Variants in TMPRSS11B observed in about 807,000 individuals in gnomAD.
TMPRSS11B encodes transmembrane serine protease 11B, also known as transmembrane protease serine 11B.
In TMPRSS11B, 53 loss-of-function variants were observed where a neutral mutation model predicts 44.7. The ratio of observed to expected loss-of-function variants is 1.19; its 90% CI spans 0.95 to 1.49. The LOEUF is 1.49. TMPRSS11B is among the 40% of genes most tolerant of loss of function. TMPRSS11B has a pLI of 0.00. For missense variants in TMPRSS11B, 526 were observed against 494.8 expected, an observed-to-expected ratio of 1.06 and a Z score of -0.60; for synonymous variants, 140 against 159.2, an observed-to-expected ratio of 0.88 and a Z score of 0.91.
intron 2 of TMPRSS11B, among the ~76,000 whole-genome samples, chr4:68,240,833 A>C (rs2109963923): frequency 6.6e-6 from 1 of 152,230 alleles, no homozygotes; most frequent in Non-Finnish European, 1.5e-5. Context: ...AGTCAGCCAA[A>C]ATTTGTCTAC....
At chr4:68,235,482 C>T (rs1184051575) in intron 4 of TMPRSS11B, among the ~76,000 whole-genome samples, 1 of 152,150 alleles carries the variant, frequency 6.6e-6, no homozygotes, top group Non-Finnish European at 1.5e-5. Context: ...CTCCCTGCAT[C>T]CCTCCCTACC....
At chr4:68,243,955 A>G (rs1054974176) in intron 1 of TMPRSS11B, among the ~76,000 whole-genome samples, 2 of 152,262 alleles carry the variant, frequency 1.3e-5, no homozygotes, top group South Asian at 2.1e-4. Context: ...TCCTCCTCAC[A>G]TGGCTTTCTC....
intron 1 of TMPRSS11B, among the ~76,000 whole-genome samples, 158 bp downstream of exon 1, chr4:68,245,393 A>C (rs1314715867): frequency 2.0e-5 from 3 of 152,164 alleles, no homozygotes; most frequent in Admixed American, 1.3e-4. Flanking sequence ...CAGAGACTTC[A>C]AAGGGTCTGT....
chr4:68,233,233 A>G (rs944792231), intron 5 of TMPRSS11B, among the ~76,000 whole-genome samples: 1 of 151,918 alleles, frequency 6.6e-6, no homozygotes, highest in African/African-American at 2.4e-5. Context: ...GAAAAGTTCT[A>G]CCTCAGGTTC....
chr4:68,229,849 G>A (rs1719460358), intron 7 of TMPRSS11B, among the ~76,000 whole-genome samples: 1 of 151,980 alleles, frequency 6.6e-6, no homozygotes, highest in South Asian at 2.1e-4. Context: ...AGTGGATGGG[G>A]TCCAGGATTA....
In TMPRSS11B at chr4:68,234,571, G is replaced by A. The variant is rs1719609837; in HGVS notation, c.361C>T (p.Pro121Ser). Residue 121 changes from proline (P) to serine (S), a missense_variant, in exon 5 of 10, where the codon CCA (proline) becomes TCA (serine). Transcript: ENST00000332644. ...GTCCTCATGCTAACTCCTTCTGCTG[G>A]AGGAAACTTGAATTTCAGCTGTAAC... ...VQLQLKFKFP[P>S]AEGVSMRTKI... 6.2e-7 allele frequency: 1 copy of A among 1,613,896 alleles called. No homozygotes were observed. Among genetic ancestry groups the A allele is most frequent in the South Asian group, 1.1e-5 (1 of 91,074 alleles).
At chr4:68,231,855 C>T (rs1369168901) in intron 6 of TMPRSS11B, 1 of 155,120 alleles carries the variant, frequency 6.4e-6, no homozygotes, top group Non-Finnish European at 1.4e-5. Flanking sequence ...CTCCTATAGG[C>T]CCAGCTACTT....
chr4:68,233,567 T>C (rs887284176), intron 5 of TMPRSS11B, among the ~76,000 whole-genome samples: 1 of 152,130 alleles, frequency 6.6e-6, no homozygotes, highest in South Asian at 2.1e-4. Flanking sequence ...CTGTGTCCCA[T>C]AGAGTATACT....
At chr4:68,229,995 A>C (rs1719464904) in intron 7 of TMPRSS11B, among the ~76,000 whole-genome samples, 1 of 152,148 alleles carries the variant, frequency 6.6e-6, no homozygotes. Flanking sequence ...TCCCACTTAT[A>C]AGCAAGAAGA....
chr4:68,244,177 A>C (rs1719939492), intron 1 of TMPRSS11B, among the ~76,000 whole-genome samples: 1 of 152,198 alleles, frequency 6.6e-6, no homozygotes, highest in African/African-American at 2.4e-5. Flanking sequence ...TTTTGGCAAC[A>C]CTTTTTTCTA....
chr4:68,236,276 T>TA lies in TMPRSS11B; in HGVS notation c.125-11dup. On this transcript the variant is annotated splice_polypyrimidine_tract_variant and intron_variant, in intron 2 of 9. Coordinates refer to ENST00000332644, the MANE Select transcript of TMPRSS11B (RefSeq NM_182502.3). ...TAATAGTAAGTCTTCTCTGCAAAAT[T>TA]AAGAAAAAAAAACCTCAAAGAATTT... 6.5e-7 allele frequency: 1 copy of TA among 1,531,044 alleles called. No individual in the cohort carries two copies. Among genetic ancestry groups the TA allele is most frequent in the East Asian group, 2.3e-5 (1 of 43,688 alleles). 94.8% of individuals were successfully genotyped at this position (1,531,044 alleles called of 1,614,324 possible).
Position 68,234,641 on chromosome 4 carries a change from T to G in TMPRSS11B, c.309-18A>C. ...CATTAGGCCTAGAAACAACAGAAAT[T>G]TTCTAATGTACTGTTTCTTGATCTT... On this transcript the variant is annotated intron_variant, in intron 4 of 9. Coordinates refer to ENST00000332644, the MANE Select transcript of TMPRSS11B (RefSeq NM_182502.3). 2 of 1,611,742 alleles carry G rather than the reference T, an allele frequency of 1.2e-6. No individual in the cohort carries two copies. The highest frequency in any genetic ancestry group is 1.7e-6 in the Non-Finnish European group (2 of 1,179,400).
intron 7 of TMPRSS11B, among the ~76,000 whole-genome samples, chr4:68,229,895 CT>C (rs57783156): frequency 6.6e-6 from 1 of 151,720 alleles, no homozygotes; most frequent in Non-Finnish European, 1.5e-5. Flanking sequence ...TCAATAGCTA[CT>C]TTTTTTACCC....
At chr4:68,242,163 A>T (rs1719842035) in intron 1 of TMPRSS11B, among the ~76,000 whole-genome samples, 1 of 127,064 alleles carries the variant, frequency 7.9e-6, no homozygotes, top group East Asian at 2.1e-4. Flanking sequence ...ATGCACAGGG[A>T]CATATAAAGA....
chr4:68,245,472 T>C, intron 1 of TMPRSS11B, 79 bp downstream of exon 1: 1 of 1,468,572 alleles, frequency 6.8e-7, no homozygotes, highest in Non-Finnish European at 9.5e-7. Flanking sequence ...AAACAGTCAA[T>C]TAACAAAAAA....
intron 2 of TMPRSS11B, among the ~76,000 whole-genome samples, chr4:68,238,263 C>T (rs1013337970): frequency 7.9e-5 from 12 of 151,900 alleles, no homozygotes; most frequent in African/African-American, 2.9e-4. Flanking sequence ...TATATTTTTC[C>T]TTATGGTAAC....
rs1220163399 is a variant in TMPRSS11B, at chr4:68,241,770, A to C, written c.43T>G (p.Trp15Gly). The C allele has an allele frequency of 5.6e-6, 9 of 1,613,334 alleles. No individual in the cohort carries two copies. The South Asian group carries it at 9.9e-5, about 18-fold the overall frequency. Reference protein sequence around the residue: ...GISSQRSWPLWTTIFIFLGVA... With the variant: ...GISSQRSWPLGTTIFIFLGVA... The stretch of plus-strand genomic sequence containing the variant: ...CCAAGAAAAATAAAGATCGTAGTCC[A>C]TAGTGGCCAAGATCTTTGGGAAGAT... The change falls in exon 2 of 10, where the codon TGG becomes GGG. Residue 15 changes from tryptophan to glycine, a missense_variant. By Grantham distance (184) the Trp-to-Gly change is radical. Transcript: ENST00000332644.
rs953191657 is a variant in TMPRSS11B, at chr4:68,229,391, A to C, written c.812T>G (p.Ile271Ser). The stretch of plus-strand genomic sequence containing the variant: ...TTCTTCAGCAAGCTGCACAAGGGCA[A>C]TATCATCATGAAGCCCAGGACTGCT... ...NYSSPGLHDD[I>S]ALVQLAEEVS... is the part of the protein sequence containing the mutation. The change falls in exon 8 of 10, where the codon ATT (isoleucine) becomes AGT (serine). Residue 271 changes from isoleucine (I) to serine (S), a missense_variant. Ile to Ser is a moderately radical substitution (Grantham distance 142). Coordinates refer to ENST00000332644, the MANE Select transcript of TMPRSS11B (RefSeq NM_182502.3). 6.2e-7 allele frequency: 1 copy of C among 1,614,110 alleles called. No homozygotes were observed. Among genetic ancestry groups the C allele is most frequent in the African/African-American group, 1.3e-5 (1 of 75,054 alleles).
At chr4:68,241,485 C>A (rs1719820025) in intron 2 of TMPRSS11B, among the ~76,000 whole-genome samples, 8 of 151,926 alleles carry the variant, frequency 5.3e-5, no homozygotes, top group Admixed American at 5.3e-4. Flanking sequence ...TTGCTCATAC[C>A]CCCATAGTTA....
Sources: gnomAD v4.1 joint callset for allele counts (sites outside exome capture counted in the v4.1 genomes callset) on GRCh38, gnomAD v4.1.1 for gene constraint, MANE v1.5 for transcripts, NCBI Gene and HGNC (gene_info 2026-07-23, HGNC 2026-07-21) for gene names.